The following PUDP variants were observed in gnomAD, a reference collection of about 807,000 sequenced individuals.
The protein encoded by PUDP is pseudouridine 5'-phosphatase.
PUDP carries 8 observed loss-of-function variants against 9.4 expected under a neutral mutation model. The observed-to-expected ratio is 0.85, with a 90% CI of 0.50 to 1.53. The LOEUF (loss-of-function observed/expected upper bound fraction) is 1.53. Among genes scored for constraint, PUDP ranks in the 40% most tolerant of loss-of-function variants. The pLI is 0.00. For synonymous variants in PUDP, 99 were observed against 80.7 expected, an observed-to-expected ratio of 1.23 and a Z score of -1.22; for missense variants, 188 against 189.7, an observed-to-expected ratio of 0.99 and a Z score of 0.05.
At chrX:7,082,999 G>A (rs1462615010) in intron 2 of PUDP, among the ~76,000 whole-genome samples, 4 of 112,378 alleles carry the variant, frequency 3.6e-5, no homozygotes, top group African/African-American at 9.7e-5. Flanking sequence ...ACGTGGAAAC[G>A]GAGGCAGAGA....
intron 3 of PUDP, among the ~76,000 whole-genome samples, chrX:7,068,370 C>T (rs1487635359): frequency 2.7e-5 from 3 of 111,837 alleles, no homozygotes; most frequent in Non-Finnish European, 3.8e-5. Context: ...TGTTTCTTTA[C>T]CTACAGAATC....
chrX:6,981,052 G>A (rs1453433007), intron 1 of PUDP, among the ~76,000 whole-genome samples: 1 of 111,862 alleles, frequency 8.9e-6, no homozygotes, highest in African/African-American at 3.2e-5. Context: ...CCCAGCATGA[G>A]ACCGACAAAA....
At position 7,137,842 on chromosome X, in the gene PUDP, C is replaced by T. The variant is rs150079739; in HGVS notation, c.61+10211G>A. Among the ~76,000 whole-genome samples the T allele has an allele frequency of 2.1e-3, 234 of 111,984 alleles. 1 individual carries two copies. Among genetic ancestry groups the T allele is most frequent in the African/African-American group, 5.8e-3 (178 of 30,817 alleles). On this transcript the variant is annotated intron_variant, in intron 1 of 3. Coordinates refer to ENST00000381077, the MANE Select transcript of PUDP (RefSeq NM_012080.5). The stretch of plus-strand genomic sequence containing the variant: ...GCCTCCTCTTCCTGCCTAAGGGTTC[C>T]GGCTGTCCACACACACAGGCATTAT...
At chrX:6,875,497 G>A (rs1262112576) in intron 3 of PUDP, among the ~76,000 whole-genome samples, 5 of 111,644 alleles carry the variant, frequency 4.5e-5, no homozygotes, top group African/African-American at 1.3e-4. Flanking sequence ...AGGAATTAAT[G>A]AAGAACATGA....
chrX:7,067,549 G>A (rs1314350045), intron 3 of PUDP, among the ~76,000 whole-genome samples: 2 of 111,827 alleles, frequency 1.8e-5, no homozygotes, highest in African/African-American at 3.3e-5. Flanking sequence ...CAAAGCTGAT[G>A]ATGTACCCAA....
At chrX:6,756,490 AATAG>A (rs1326356189) in intron 3 of PUDP, among the ~76,000 whole-genome samples, 1 of 112,515 alleles carries the variant, frequency 8.9e-6, no homozygotes, top group Non-Finnish European at 1.9e-5. Context: ...ATATTCTGGA[AATAG>A]ATAGTGGGGA....
intron 3 of PUDP, among the ~76,000 whole-genome samples, chrX:6,903,525 T>C (rs1927721606): frequency 9.0e-6 from 1 of 111,430 alleles, no homozygotes; most frequent in African/African-American, 3.3e-5. Context: ...AATAGCAAAG[T>C]CACAGAACCA....
intron 3 of PUDP, among the ~76,000 whole-genome samples, chrX:6,914,415 C>T (rs1216009686): frequency 1.8e-5 from 2 of 111,539 alleles, no homozygotes; most frequent in South Asian, 7.6e-4. Flanking sequence ...CTGGGAAGTG[C>T]TTCATTTCCT....
At chrX:6,871,540 T>C (rs57652252) in intron 3 of PUDP, among the ~76,000 whole-genome samples, 10,374 of 111,597 alleles carry the variant, frequency 0.093, 610 homozygotes, top group East Asian at 0.46. Context: ...CCTTCAAAGA[T>C]AATGACTGTC....
intron 3 of PUDP, among the ~76,000 whole-genome samples, chrX:6,763,025 C>A (rs1925245592): frequency 8.9e-6 from 1 of 112,377 alleles, no homozygotes; most frequent in Non-Finnish European, 1.9e-5. Flanking sequence ...CATGGCCAAA[C>A]AGTGTCCCCC....
At chrX:6,876,639 A>ATATGTGTGTGTG (rs749582262) in intron 3 of PUDP, among the ~76,000 whole-genome samples, 1,396 of 92,789 alleles carry the variant, frequency 0.015, 37 homozygotes, top group Admixed American at 0.088. Flanking sequence ...CTAAAATGTT[A>ATATGTGTGTGTG]TGTGTGTGTG....
chrX:6,918,158 T>C (rs2146761851), intron 3 of PUDP, among the ~76,000 whole-genome samples: 1 of 112,399 alleles, frequency 8.9e-6, no homozygotes, highest in East Asian at 2.8e-4. Flanking sequence ...TGCTCTTGAC[T>C]CTTCTTTGAT....
intron 2 of PUDP, among the ~76,000 whole-genome samples, chrX:7,093,173 C>T (rs1280821343): frequency 9.0e-6 from 1 of 111,347 alleles, no homozygotes; most frequent in East Asian, 2.8e-4. Flanking sequence ...CCCCCTCCCC[C>T]AGCCCCTGGC....
chrX:7,117,959 A>G (rs1932242182), intron 1 of PUDP, among the ~76,000 whole-genome samples: 1 of 113,200 alleles, frequency 8.8e-6, no homozygotes, highest in Non-Finnish European at 1.9e-5. Flanking sequence ...CACAAGCCAC[A>G]CGCCTTAGTG....
chrX:7,118,139 T>A (rs753817278), intron 1 of PUDP, among the ~76,000 whole-genome samples: 7 of 112,784 alleles, frequency 6.2e-5, no homozygotes, highest in Non-Finnish European at 1.1e-4. Flanking sequence ...GATGCTGACA[T>A]ATTTGGGTTT....
intron 1 of PUDP, among the ~76,000 whole-genome samples, chrX:7,133,247 G>A (rs1312035270): frequency 8.9e-6 from 1 of 111,866 alleles, no homozygotes; most frequent in Non-Finnish European, 1.9e-5. Context: ...GGGAAACGTA[G>A]ACAGGAACTC....
At chrX:6,798,408 G>A (rs1925877716) in intron 3 of PUDP, among the ~76,000 whole-genome samples, 1 of 111,810 alleles carries the variant, frequency 8.9e-6, no homozygotes, top group Non-Finnish European at 1.9e-5. Flanking sequence ...TGGGGACACA[G>A]CCAAACCATA....
At chrX:6,800,399 C>A (rs1417832095) in intron 3 of PUDP, among the ~76,000 whole-genome samples, 1 of 111,960 alleles carries the variant, frequency 8.9e-6, no homozygotes, top group African/African-American at 3.2e-5. Flanking sequence ...ATGATACCCA[C>A]CACCAACAGT....
chrX:6,889,666 CCTTT>C (rs760851000), intron 3 of PUDP, among the ~76,000 whole-genome samples: 35 of 112,059 alleles, frequency 3.1e-4, no homozygotes, highest in Admixed American at 1.0e-3. Context: ...TCTTCTCCTT[CCTTT>C]CTGTCTTCTT....
Sources: gnomAD v4.1 joint callset for allele counts (sites outside exome capture counted in the v4.1 genomes callset) on GRCh38, gnomAD v4.1.1 for gene constraint, MANE v1.5 for transcripts, NCBI Gene and HGNC (gene_info 2026-07-23, HGNC 2026-07-21) for gene names.